NCALD: variants seen among roughly 807,000 people sequenced by gnomAD.
NCALD encodes neurocalcin delta, also known as neurocalcin-delta.
A neutral mutation model predicts 18.6 loss-of-function variants in NCALD; 10 were observed. That is an observed-to-expected ratio of 0.54 (90% confidence interval 0.33 to 0.91). NCALD has a LOEUF of 0.91. Among genes scored for constraint, NCALD ranks in the 40% least tolerant of loss-of-function variants. NCALD has a pLI of 0.03. For missense variants in NCALD, 184 were observed against 247.6 expected (o/e 0.74, Z 1.72); for synonymous variants, 88 against 87.4 (o/e 1.01, Z -0.04).
chr8:101,836,686 C>CATTACTCCAT (rs1346381849), intron 4 of NCALD, among the ~76,000 whole-genome samples: 1 of 152,216 alleles, frequency 6.6e-6, no homozygotes, highest in Non-Finnish European at 1.5e-5. Context: ...AACATGCTAT[C>CATTACTCCAT]ATTACTCCAT....
At chr8:101,763,966 C>CTCTCTCTCTCCA (rs1491550100) in intron 1 of NCALD, among the ~76,000 whole-genome samples, 1,719 of 85,206 alleles carry the variant, frequency 0.02, 40 homozygotes, top group African/African-American at 0.052. Context: ...CTCTCTCTCT[C>CTCTCTCTCTCCA]CACACACACA....
At chr8:101,751,326 G>A (rs901747770) in intron 1 of NCALD, among the ~76,000 whole-genome samples, 3 of 152,154 alleles carry the variant, frequency 2.0e-5, no homozygotes, top group African/African-American at 4.8e-5. Flanking sequence ...CAGGTTACCA[G>A]GGACTGGGAT....
At chr8:101,802,828 C>G (rs572218878) in intron 4 of NCALD, among the ~76,000 whole-genome samples, 20 of 151,230 alleles carry the variant, frequency 1.3e-4, no homozygotes, top group African/African-American at 4.6e-4. Flanking sequence ...ATGAGGGCAA[C>G]CCGCTCGGGT....
At chr8:101,820,892 C>A (rs6992376) in intron 4 of NCALD, among the ~76,000 whole-genome samples, 2,488 of 152,222 alleles carry the variant, frequency 0.016, 62 homozygotes, top group African/African-American at 0.056. Flanking sequence ...GGCAAATAAC[C>A]AGAAATTTGG....
At chr8:101,914,147 T>C (rs1440024374) in intron 3 of NCALD, among the ~76,000 whole-genome samples, 1 of 152,246 alleles carries the variant, frequency 6.6e-6, no homozygotes, top group African/African-American at 2.4e-5. Flanking sequence ...TGAGTCATCA[T>C]GTCTCCTTAG....
chr8:101,753,952 A>G (rs574970819), intron 1 of NCALD, among the ~76,000 whole-genome samples: 4 of 152,210 alleles, frequency 2.6e-5, no homozygotes, highest in Non-Finnish European at 5.9e-5. Flanking sequence ...TACAGTTGAC[A>G]GCATCCTAAT....
At chr8:102,003,897 T>C (rs1357393018) in intron 2 of NCALD, among the ~76,000 whole-genome samples, 5 of 152,252 alleles carry the variant, frequency 3.3e-5, no homozygotes, top group East Asian at 1.9e-4. Flanking sequence ...TAAGAGCTAT[T>C]TATGACAAAC....
intron 1 of NCALD, among the ~76,000 whole-genome samples, chr8:102,099,275 G>A (rs1825198692): frequency 1.3e-5 from 2 of 152,120 alleles, no homozygotes; most frequent in African/African-American, 4.8e-5. Context: ...AATAGTCCAA[G>A]GCACCAAAGA....
chr8:101,967,378 T>A (rs1563940786), intron 2 of NCALD, among the ~76,000 whole-genome samples: 1 of 152,152 alleles, frequency 6.6e-6, no homozygotes, highest in Non-Finnish European at 1.5e-5. Context: ...CACATTTTGA[T>A]GTAAAAGCAA....
chr8:101,816,797 G>C (rs886197996), intron 4 of NCALD, among the ~76,000 whole-genome samples: 1 of 152,096 alleles, frequency 6.6e-6, no homozygotes. Context: ...GCAAACTATG[G>C]ACTTTGGGTG....
chr8:102,077,676 T>C (rs1824392372), intron 1 of NCALD, among the ~76,000 whole-genome samples: 1 of 152,100 alleles, frequency 6.6e-6, no homozygotes, highest in Non-Finnish European at 1.5e-5. Flanking sequence ...CATACCCCCA[T>C]TCCCTTTAGC....
chr8:101,691,685 G>A, intron 3 of NCALD: 1 of 985,388 alleles, frequency 1.0e-6, no homozygotes, highest in Non-Finnish European at 1.2e-6. Context: ...AAATGGAATG[G>A]CACCTTTGTG....
At chr8:101,848,687 A>G (rs1307314278) in intron 4 of NCALD, among the ~76,000 whole-genome samples, 1 of 152,168 alleles carries the variant, frequency 6.6e-6, no homozygotes, top group Non-Finnish European at 1.5e-5. Context: ...TTCCATTTAA[A>G]GGATAAGATT....
intron 1 of NCALD, among the ~76,000 whole-genome samples, chr8:101,784,071 T>C (rs549279787): frequency 1.3e-5 from 2 of 152,194 alleles, no homozygotes; most frequent in East Asian, 3.9e-4. Flanking sequence ...AACTTTTATT[T>C]TGTCCATGAA....
chr8:101,690,498 T>C, intron 3 of NCALD: 1 of 985,450 alleles, frequency 1.0e-6, no homozygotes, highest in Middle Eastern at 5.2e-4. Context: ...CGCTAAGCCA[T>C]AGCCTCCAGT....
At chr8:101,806,543 A>G (rs1813109157) in intron 4 of NCALD, among the ~76,000 whole-genome samples, 1 of 152,196 alleles carries the variant, frequency 6.6e-6, no homozygotes, top group Admixed American at 6.5e-5. Flanking sequence ...TGGAAATGCC[A>G]GAGTTTAAAA....
intron 1 of NCALD, among the ~76,000 whole-genome samples, chr8:102,054,958 T>C (rs1823598511): frequency 6.6e-6 from 1 of 152,010 alleles, no homozygotes; most frequent in African/African-American, 2.4e-5. Context: ...ATTCTTAAAA[T>C]TCACCCAGTG....
chr8:101,773,289 C>A (rs1811660133), intron 1 of NCALD, among the ~76,000 whole-genome samples: 1 of 152,186 alleles, frequency 6.6e-6, no homozygotes, highest in South Asian at 2.1e-4. Flanking sequence ...CCTCCCTCAC[C>A]AGTCAGTTCA....
chr8:101,758,130 C>T (rs999782308), intron 1 of NCALD, among the ~76,000 whole-genome samples: 2 of 152,126 alleles, frequency 1.3e-5, no homozygotes, highest in African/African-American at 4.8e-5. Context: ...TTCCTGCTCA[C>T]CAATACCAAT....
Sources: allele counts gnomAD v4.1 joint callset (sites outside exome capture counted in the v4.1 genomes callset), GRCh38; gene constraint gnomAD v4.1.1; transcripts MANE v1.5; gene names NCBI Gene and HGNC (gene_info 2026-07-23, HGNC 2026-07-21).